CALN1: variants seen among roughly 807,000 people sequenced by gnomAD.
CALN1 encodes calneuron 1, also known as calcium-binding protein 8.
Under a neutral mutation model 30.6 loss-of-function variants are expected in CALN1, and 17 were observed. That is an observed-to-expected ratio of 0.56 (90% CI 0.38 to 0.83). CALN1 has a LOEUF of 0.83. Ranked by LOEUF, CALN1 falls within the 40% of genes least tolerant of loss-of-function variation. The probability of loss-of-function intolerance (pLI) is 0.00; values close to 1 mark genes in which losing one functional copy is unlikely to be tolerated. For synonymous variants in CALN1, 156 were observed against 131.4 expected, an observed-to-expected ratio of 1.19 and a Z score of -1.28; for missense variants, 291 against 354.9, an observed-to-expected ratio of 0.82 and a Z score of 1.45.
intron 3 of CALN1, among the ~76,000 whole-genome samples, chr7:72,263,322 A>G (rs1052013443): frequency 2.6e-5 from 4 of 152,224 alleles, no homozygotes; most frequent in African/African-American, 7.2e-5. Context: ...CAGGTGAGAA[A>G]ATCAAAACTT....
chr7:71,969,339 T>G (rs988747675), intron 5 of CALN1, among the ~76,000 whole-genome samples: 2 of 152,192 alleles, frequency 1.3e-5, no homozygotes, highest in Non-Finnish European at 2.9e-5. Flanking sequence ...TCATCTTACT[T>G]TCCTACTTTC....
At chr7:71,889,624 A>T (rs1793119139) in intron 5 of CALN1, among the ~76,000 whole-genome samples, 1 of 151,980 alleles carries the variant, frequency 6.6e-6, no homozygotes, top group Non-Finnish European at 1.5e-5. Flanking sequence ...GGATATTCCA[A>T]CCCCACACCA....
At chr7:72,274,505 A>AG (rs1232683805) in intron 3 of CALN1, among the ~76,000 whole-genome samples, 3 of 66,722 alleles carry the variant, frequency 4.5e-5, no homozygotes, top group East Asian at 5.3e-4. Context: ...GACTGTCTCA[A>AG]AAAAAAAAAA....
chr7:72,220,575 G>A (rs1793211745), intron 3 of CALN1, among the ~76,000 whole-genome samples: 1 of 152,132 alleles, frequency 6.6e-6, no homozygotes, highest in Non-Finnish European at 1.5e-5. Flanking sequence ...GGATGGCTGG[G>A]TCAAATGGGA....
chr7:72,176,229 C>A lies in CALN1; in HGVS notation c.245-69935G>T, dbSNP rs564043155. 3.7e-4 allele frequency among the ~76,000 whole-genome samples: 57 copies of A among 152,022 alleles called. No individual in the cohort carries two copies. The South Asian group carries it at 0.011, about 31-fold the overall frequency. On this transcript the variant is annotated intron_variant, in intron 3 of 6. Transcript: ENST00000395275. ...TACTTTTCGTGTTTCCTTCCTCTTTCTTTAATTCTTACAGGCAGACCAGGG... is the reference window on the plus strand; with the variant it reads ...TACTTTTCGTGTTTCCTTCCTCTTTATTTAATTCTTACAGGCAGACCAGGG...
chr7:72,134,229 C>A (rs964002096), intron 3 of CALN1, among the ~76,000 whole-genome samples: 1 of 152,210 alleles, frequency 6.6e-6, no homozygotes, highest in African/African-American at 2.4e-5. Context: ...ACCATTCCTG[C>A]TGGCACCTTG....
At chr7:72,142,352 C>A (rs186109630) in intron 3 of CALN1, among the ~76,000 whole-genome samples, 9 of 152,328 alleles carry the variant, frequency 5.9e-5, no homozygotes, top group Admixed American at 5.9e-4. Context: ...GAGGATCCTA[C>A]ACCCATGGAG....
chr7:72,368,040 G>A (rs547251826), intron 2 of CALN1, among the ~76,000 whole-genome samples: 1 of 152,098 alleles, frequency 6.6e-6, no homozygotes, highest in South Asian at 2.1e-4. Context: ...AGAATGGCAT[G>A]AACCCGGGAG....
chr7:71,969,634 T>C (rs1797698265), intron 5 of CALN1, among the ~76,000 whole-genome samples: 1 of 152,130 alleles, frequency 6.6e-6, no homozygotes, highest in Admixed American at 6.5e-5. Context: ...CATAGCATTA[T>C]CAGAAAAAGG....
chr7:71,849,149 A>AG (rs1562837282), intron 5 of CALN1, among the ~76,000 whole-genome samples: 20 of 152,196 alleles, frequency 1.3e-4, no homozygotes, highest in African/African-American at 4.6e-4. Flanking sequence ...ATGTGTGTTT[A>AG]ATCTATGTGT....
chr7:72,221,159 A>G (rs1793260571), intron 3 of CALN1, among the ~76,000 whole-genome samples: 1 of 152,096 alleles, frequency 6.6e-6, no homozygotes, highest in African/African-American at 2.4e-5. Flanking sequence ...GATGTTGGCG[A>G]AAGGGTGGTG....
At chr7:72,016,133 C>T (rs1342230472) in intron 5 of CALN1, among the ~76,000 whole-genome samples, 1 of 151,214 alleles carries the variant, frequency 6.6e-6, no homozygotes, top group African/African-American at 2.4e-5. Context: ...TCTGTAATCC[C>T]AGCTACTTGG....
In CALN1 at chr7:72,049,654, T is replaced by C. The variant is rs148736600; in HGVS notation, c.389-25885A>G. ...TCCTGAGTAGCTGGGATTACAGGCA[T>C]GCGCCACCACGCCCGGCTATTTTTT... is the stretch of plus-strand genomic sequence containing the variant. On this transcript the variant is annotated intron_variant, in intron 4 of 6. Transcript: ENST00000395275. 1.5e-3 allele frequency among the ~76,000 whole-genome samples: 222 copies of C among 150,908 alleles called. 4 individuals carry two copies. The East Asian group carries it at 0.035, about 24-fold the overall frequency.
At chr7:72,484,118 G>C in the CALN1 span, among the ~76,000 whole-genome samples, 1 of 151,796 alleles carries the variant, frequency 6.6e-6, no homozygotes, top group African/African-American at 2.4e-5. Context: ...GTCAGTTCTG[G>C]GGTGGTTTTC....
At position 72,425,470 on chromosome 7, in the gene CALN1, C is replaced by T. The variant is rs563795468; in HGVS notation, c.-225-13195G>A. 4.6e-5 allele frequency among the ~76,000 whole-genome samples: 7 copies of T among 152,322 alleles called. No individual in the cohort carries two copies. The South Asian group carries it at 6.2e-4, about 14-fold the overall frequency. ...CCCCATGTGCCCATGGCTGAGACCACGCTCCCAATAAGTGCCATGCCTCAT... is the reference window on the plus strand; with the variant it reads ...CCCCATGTGCCCATGGCTGAGACCATGCTCCCAATAAGTGCCATGCCTCAT... On this transcript the variant is annotated intron_variant, in intron 1 of 6. Coordinates refer to the CALN1 transcript ENST00000395276.
At chr7:72,377,372 A>G (rs1345163682) in intron 2 of CALN1, among the ~76,000 whole-genome samples, 2 of 150,836 alleles carry the variant, frequency 1.3e-5, no homozygotes, top group East Asian at 3.9e-4. Context: ...CACCATCTGG[A>G]CTTCCTGAAG....
intron 3 of CALN1, among the ~76,000 whole-genome samples, chr7:72,240,275 C>T (rs2129551252): frequency 6.6e-6 from 1 of 151,884 alleles, no homozygotes; most frequent in South Asian, 2.1e-4. Context: ...GCTCACTGCA[C>T]CCTTGAATTC....
At chr7:72,093,412 C>T (rs984188737) in intron 4 of CALN1, among the ~76,000 whole-genome samples, 3 of 152,100 alleles carry the variant, frequency 2.0e-5, no homozygotes, top group African/African-American at 7.2e-5. Context: ...AACAAACTTC[C>T]CAAGTGGGAT....
intron 3 of CALN1, among the ~76,000 whole-genome samples, chr7:72,114,690 T>G (rs864168): frequency 0.01 from 1,551 of 152,092 alleles, 26 homozygotes; most frequent in African/African-American, 0.035. Context: ...CAGAGGGAAG[T>G]GTGCTAGAAA....
Sources: gnomAD v4.1 joint callset for allele counts (sites outside exome capture counted in the v4.1 genomes callset) on GRCh38, gnomAD v4.1.1 for gene constraint, MANE v1.5 for transcripts, NCBI Gene and HGNC (gene_info 2026-07-23, HGNC 2026-07-21) for gene names.